OPRM1: variants seen among roughly 807,000 people sequenced by gnomAD.
OPRM1 encodes mu-type opioid receptor.
Under a neutral mutation model 31.8 loss-of-function variants are expected in OPRM1, and 27 were observed. The observed-to-expected ratio is 0.85, with a 90% CI of 0.63 to 1.17. The LOEUF (loss-of-function observed/expected upper bound fraction) is 1.17, where lower values mean the gene tolerates loss of function less well. Among genes scored for constraint, OPRM1 ranks in the 50% most tolerant of loss-of-function variants. The pLI is 0.00. For missense variants in OPRM1, 536 were observed against 511.1 expected (o/e 1.05, Z -0.47); for synonymous variants, 196 against 189.9 (o/e 1.03, Z -0.26).
intron 1 of OPRM1, among the ~76,000 whole-genome samples, chr6:154,076,503 A>C (rs1295153513): frequency 1.3e-5 from 2 of 152,184 alleles, no homozygotes; most frequent in Non-Finnish European, 2.9e-5. Context: ...CAATAGTGGC[A>C]TATTACCTAT....
Position 154,152,284 on chromosome 6 carries a change from AAAAGGAAGAGAG to A in OPRM1, c.1164+60815_1164+60826del, listed in dbSNP as rs1386878175. On this transcript the variant is annotated intron_variant, in intron 3 of 3. Coordinates refer to the OPRM1 transcript ENST00000337049. ...GAAAGAAAGAAAAAGAAAAGGAAAG[AAAAGGAAGAGAG>A]AAGAAAGAAAGAAAGAAAGAAAGAA... is the stretch of plus-strand genomic sequence containing the variant. Among the ~76,000 whole-genome samples, 32 of 147,598 alleles carry A rather than the reference AAAAGGAAGAGAG, an allele frequency of 2.2e-4. 1 individual carries two copies. Among genetic ancestry groups the A allele is most frequent in the Non-Finnish European group, 3.1e-4 (21 of 67,254 alleles).
At chr6:154,094,255 C>T (rs1444889423) in intron 3 of OPRM1, 1 of 1,278,936 alleles carries the variant, frequency 7.8e-7, no homozygotes, top group African/African-American at 1.5e-5. Flanking sequence ...TGTATTCTGA[C>T]AACTGTCCAC....
chr6:154,052,632 G>T (rs1333549149), intron 1 of OPRM1, among the ~76,000 whole-genome samples: 1 of 152,128 alleles, frequency 6.6e-6, no homozygotes, highest in Non-Finnish European at 1.5e-5. Flanking sequence ...GCTGGGTTCT[G>T]CCCACAAGCT....
chr6:154,192,254 C>A (rs1801954583), intron 3 of OPRM1, among the ~76,000 whole-genome samples: 1 of 151,976 alleles, frequency 6.6e-6, no homozygotes, highest in African/African-American at 2.4e-5. Flanking sequence ...CAATACCCCA[C>A]ACCCTCACAA....
chr6:154,119,019 C>T lies in OPRM1; in HGVS notation c.*298C>T. ...AATTGAAGTCATCATAAAAGGTGAC[C>T]CTTCTGTCTGTAAGATTTTATTTTC... On this transcript the variant is annotated 3_prime_UTR_variant, in exon 4 of 4. Transcript: ENST00000330432. 1.8e-6 allele frequency: 2 copies of T among 1,133,092 alleles called. No individual in the cohort carries two copies. The highest frequency in any genetic ancestry group is 2.2e-6 in the Non-Finnish European group (2 of 924,588). 70.2% of individuals were successfully genotyped at this position (1,133,092 alleles called of 1,614,324 possible).
intron 1 of OPRM1, among the ~76,000 whole-genome samples, chr6:154,050,324 G>A (rs959667557): frequency 1.3e-5 from 2 of 152,168 alleles, no homozygotes; most frequent in Non-Finnish European, 2.9e-5. Context: ...GTCTACAACA[G>A]CTAAGATTTG....
intron 1 of OPRM1, among the ~76,000 whole-genome samples, chr6:154,078,485 A>G (rs923973861): frequency 8.5e-5 from 13 of 152,240 alleles, no homozygotes; most frequent in Non-Finnish European, 1.8e-4. Context: ...CCATTATAGA[A>G]TTTTGAAAGC....
intron 3 of OPRM1, among the ~76,000 whole-genome samples, chr6:154,197,504 T>G (rs1040822): frequency 0.35 from 52,840 of 152,116 alleles, 9,560 homozygotes; most frequent in Middle Eastern, 0.47. Flanking sequence ...TTTCTTTTCC[T>G]TTTTACCAAG....
chr6:154,227,347 C>T (rs1348988910), intron 3 of OPRM1, among the ~76,000 whole-genome samples: 1 of 152,170 alleles, frequency 6.6e-6, no homozygotes, highest in Non-Finnish European at 1.5e-5. Context: ...AAATCGATCT[C>T]AAATGATATA....
At chr6:154,065,793 C>T (rs762933326) in intron 1 of OPRM1, among the ~76,000 whole-genome samples, 2 of 151,824 alleles carry the variant, frequency 1.3e-5, no homozygotes, top group African/African-American at 4.8e-5. Flanking sequence ...CTGGTTAGAA[C>T]TCTCATGCTA....
At chr6:154,209,127 A>G (rs1485458904) in intron 3 of OPRM1, among the ~76,000 whole-genome samples, 1 of 152,246 alleles carries the variant, frequency 6.6e-6, no homozygotes. Flanking sequence ...AGCAATTAGA[A>G]TGATTAGACT....
rs532245268 is a variant in OPRM1 at position 154,047,324 on chromosome 6, A to G, written c.290+7490A>G. Among the ~76,000 whole-genome samples, 13 of 152,170 alleles carry G rather than the reference A, an allele frequency of 8.5e-5. No individual in the cohort carries two copies. The South Asian group carries it at 2.5e-3, about 29-fold the overall frequency. On this transcript the variant is annotated intron_variant, in intron 1 of 3. Transcript: ENST00000330432. The stretch of plus-strand genomic sequence containing the variant: ...TTGTGTACCTGAGGGCCTGGGTGCA[A>G]GATGGGGAAAGACAAGGAATGAAAA...
chr6:154,010,602 T>C (rs1207751730), exon 1 of OPRM1: 2 of 1,533,706 alleles, frequency 1.3e-6, no homozygotes, highest in South Asian at 2.4e-5. Context: ...AAAGGAAGTG[T>C]GATCTGTCAC....
At position 154,130,419 on chromosome 6, in the gene OPRM1, C is replaced by T. The variant is rs533558058; in HGVS notation, c.*11698C>T. Among the ~76,000 whole-genome samples, 9 of 152,186 alleles carry T rather than the reference C, an allele frequency of 5.9e-5. No individual in the cohort carries two copies. Among genetic ancestry groups the T allele is most frequent in the South Asian group, 4.2e-4 (2 of 4,816 alleles). Reference sequence around the variant, plus strand: ...TCCTGACCTCGTGATCTGCCTGCCTCGGCCTCCCAAAGTGTTGGGATTACA... The same window carrying T: ...TCCTGACCTCGTGATCTGCCTGCCTTGGCCTCCCAAAGTGTTGGGATTACA... On this transcript the variant is annotated 3_prime_UTR_variant, in exon 4 of 4. Transcript: ENST00000330432.
chr6:154,137,043 A>C (rs994425662), downstream of OPRM1, among the ~76,000 whole-genome samples: 1 of 152,190 alleles, frequency 6.6e-6, no homozygotes. Context: ...AATCTTCACG[A>C]CAACCTTAGA....
At chr6:154,200,898 A>T (rs1389318112) in intron 3 of OPRM1, among the ~76,000 whole-genome samples, 1 of 152,184 alleles carries the variant, frequency 6.6e-6, no homozygotes, top group Non-Finnish European at 1.5e-5. Flanking sequence ...CTGTGTCCCT[A>T]TCCAAATCTC....
Position 154,118,782 on chromosome 6 carries a change from G to C in OPRM1, c.*61G>C. ...AGAAGCCACCATGTATGTGGAAGCA[G>C]GTTGCTTCAAGAATGTGTAGGAGGC... On this transcript the variant is annotated 3_prime_UTR_variant, in exon 4 of 4. Coordinates refer to ENST00000330432, the MANE Select transcript of OPRM1 (RefSeq NM_000914.5). 6.2e-7 allele frequency: 1 copy of C among 1,605,810 alleles called. No individual in the cohort carries two copies. The highest frequency in any genetic ancestry group is 8.5e-7 in the Non-Finnish European group (1 of 1,177,458).
intron 1 of OPRM1, among the ~76,000 whole-genome samples, chr6:154,027,159 C>G (rs574477795): frequency 2.7e-4 from 41 of 152,284 alleles, no homozygotes; most frequent in African/African-American, 9.6e-4. Context: ...GATGTATCTG[C>G]TTTAGGGAGC....
intron 3 of OPRM1, among the ~76,000 whole-genome samples, chr6:154,149,625 C>T (rs112788541): frequency 1.0e-4 from 15 of 148,560 alleles, no homozygotes; most frequent in Admixed American, 4.7e-4. Flanking sequence ...TGTGTGCGCG[C>T]GTGTGTGTGT....
Sources: allele counts gnomAD v4.1 joint callset (sites outside exome capture counted in the v4.1 genomes callset), GRCh38; gene constraint gnomAD v4.1.1; transcripts MANE v1.5; gene names NCBI Gene and HGNC (gene_info 2026-07-23, HGNC 2026-07-21).